The following SRGAP1 variants were observed in gnomAD, a reference collection of about 807,000 sequenced individuals.
SRGAP1 encodes the protein SLIT-ROBO Rho GTPase activating protein 1, also known as SLIT-ROBO Rho GTPase-activating protein 1.
SRGAP1 carries 43 observed loss-of-function variants against 121.9 expected under a neutral mutation model. The observed-to-expected ratio is 0.35, with a 90% CI of 0.28 to 0.46. The LOEUF is 0.46. Among genes scored for constraint, SRGAP1 ranks in the 20% least tolerant of loss-of-function variants. The pLI, the probability that SRGAP1 is intolerant of heterozygous loss-of-function variation, is 1.00. For synonymous variants in SRGAP1, 447 were observed against 485.4 expected (o/e 0.92, Z 1.04); for missense variants, 1,102 against 1,350.9 (o/e 0.82, Z 2.89).
Position 64,051,936 on chromosome 12 carries a change from T to C in SRGAP1, c.801+8361T>C, listed in dbSNP as rs1333696497. On this transcript the variant is annotated intron_variant, in intron 6 of 21. Transcript: ENST00000355086. ...CCTTGTTAGGATCAATGAATGAACA[T>C]TATGATGAGTTCCATCACTGAACAT... Among the ~76,000 whole-genome samples, 19 of 152,196 alleles carry C rather than the reference T, an allele frequency of 1.2e-4. 1 individual carries two copies. Among genetic ancestry groups the C allele is most frequent in the Admixed American group, 1.2e-3 (19 of 15,270 alleles).
chr12:63,844,985 T>A lies in SRGAP1; in HGVS notation c.67+102T>A. On this transcript the variant is annotated intron_variant, in intron 1 of 21. Coordinates refer to ENST00000355086, the MANE Select transcript of SRGAP1 (RefSeq NM_020762.4). This position sits in a 1 kb window ranked among gnomAD's most constrained non-coding sequence, Gnocchi z 4.3. ...TGGTGTCTGCGTGGGAGGAAGGTGGTGAGGGGACAGCTCGAGCCCTGTCTG... is the reference window on the plus strand; with the variant it reads ...TGGTGTCTGCGTGGGAGGAAGGTGGAGAGGGGACAGCTCGAGCCCTGTCTG... 8.3e-7 allele frequency: 1 copy of A among 1,201,554 alleles called. No homozygotes were observed. Among genetic ancestry groups the A allele is most frequent in the Non-Finnish European group, 1.2e-6 (1 of 809,244 alleles). The allele number at this position is 1,201,554 out of a possible 1,614,324, so 74.4% of individuals were successfully genotyped here.
rs2036132643 is a variant in SRGAP1, at chr12:64,095,223, C to G, written c.1678+19C>G. ...GAGAGAGGTAATTGCACGTCTATCC[C>G]TATAAGCAAACCACGTTGAAAAGTC... On this transcript the variant is annotated intron_variant, in intron 14 of 21. Transcript: ENST00000355086. The G allele has an allele frequency of 3.1e-6, 5 of 1,607,610 alleles. No individual in the cohort carries two copies. The East Asian group carries it at 8.9e-5, about 29-fold the overall frequency.
intron 4 of SRGAP1, among the ~76,000 whole-genome samples, chr12:64,031,695 A>G (rs1245818941): frequency 6.6e-6 from 1 of 152,182 alleles, no homozygotes; most frequent in Non-Finnish European, 1.5e-5. Context: ...ATATATTAAA[A>G]TTCTCTTGAA....
At chr12:64,069,973 G>A (rs1053808888) in intron 8 of SRGAP1, among the ~76,000 whole-genome samples, 2 of 152,194 alleles carry the variant, frequency 1.3e-5, no homozygotes, top group Non-Finnish European at 2.9e-5. Context: ...CTGGGCTCAA[G>A]CAATCTTCCC....
intron 1 of SRGAP1, among the ~76,000 whole-genome samples, chr12:63,898,192 G>C (rs1290345720): frequency 6.6e-6 from 1 of 152,192 alleles, no homozygotes; most frequent in South Asian, 2.1e-4. Flanking sequence ...TTGCAGGGGG[G>C]ACTCCCAACA....
chr12:64,161,555 A>AT lies in SRGAP1; in HGVS notation c.*18890dup, dbSNP rs1222212365. The AT allele has an allele frequency of 5.3e-5, 8 of 151,916 alleles. No homozygotes were observed. Among genetic ancestry groups the AT allele is most frequent in the Admixed American group, 4.6e-4 (7 of 15,234 alleles). 9.4% of individuals were successfully genotyped at this position (151,916 alleles called of 1,614,324 possible). On this transcript the variant is annotated 3_prime_UTR_variant, in exon 22 of 22. Transcript: ENST00000355086. ...TGTCCTTATTTGACAGGTCCTATAT[A>AT]TTTTTTTATTTTGAGATTATTAGTG...
rs764758737 is a variant in SRGAP1, at chr12:64,126,019, G to C, written c.2267G>C (p.Gly756Ala). ...GCAATAGCCAAGTTTGACTATGTTG[G>C]GCGGTCTGCCAGAGAACTATCCTTC... ...IEAIAKFDYV[G>A]RSARELSFKK... The change falls in exon 19 of 22, where the codon GGG becomes GCG. Residue 756 changes from glycine (G) to alanine (A), a missense_variant. Physicochemically the swap from Gly to Ala is moderately conservative, Grantham distance 60. Transcript: ENST00000355086. 1.3e-5 allele frequency: 21 copies of C among 1,614,156 alleles called. No homozygotes were observed. Among genetic ancestry groups the C allele is most frequent in the Non-Finnish European group, 1.8e-5 (21 of 1,180,014 alleles).
At chr12:64,093,776 G>A (rs2036099839) in intron 12 of SRGAP1, among the ~76,000 whole-genome samples, 1 of 152,136 alleles carries the variant, frequency 6.6e-6, no homozygotes, top group South Asian at 2.1e-4. Flanking sequence ...GTCTCCAGAA[G>A]TAATTGAGCC....
intron 3 of SRGAP1, among the ~76,000 whole-genome samples, chr12:63,999,047 T>A (rs1477461813): frequency 6.6e-6 from 1 of 152,106 alleles, no homozygotes; most frequent in Admixed American, 6.5e-5. Context: ...CCTTACTTCT[T>A]ATGACTTGGA....
intron 1 of SRGAP1, among the ~76,000 whole-genome samples, chr12:63,852,293 G>A (rs888382158): frequency 1.4e-4 from 22 of 152,332 alleles, no homozygotes; most frequent in African/African-American, 4.8e-4. Context: ...ACCTCGCCCA[G>A]CATGTTGTTC....
intron 8 of SRGAP1, among the ~76,000 whole-genome samples, chr12:64,069,009 CAA>C (rs59679383): frequency 2.1e-5 from 3 of 141,186 alleles, no homozygotes; most frequent in Non-Finnish European, 3.1e-5. Context: ...GACTCTGTCT[CAA>C]AAAAAAAAAA....
chr12:63,996,022 T>C (rs2136426465), intron 3 of SRGAP1, among the ~76,000 whole-genome samples: 1 of 151,912 alleles, frequency 6.6e-6, no homozygotes, highest in Non-Finnish European at 1.5e-5. Context: ...GACCTTGTTT[T>C]TTTTTTTAAA....
At chr12:63,949,540 G>C (rs910273202) in intron 1 of SRGAP1, among the ~76,000 whole-genome samples, 3 of 151,288 alleles carry the variant, frequency 2.0e-5, no homozygotes. Context: ...CCATTCTCCT[G>C]CCTCAGCCTC....
chr12:64,137,298 A>T (rs2036871382), intron 21 of SRGAP1, among the ~76,000 whole-genome samples: 1 of 152,120 alleles, frequency 6.6e-6, no homozygotes, highest in Non-Finnish European at 1.5e-5. Flanking sequence ...TTATAAAAAC[A>T]AAAACTCAAC....
intron 10 of SRGAP1, chr12:64,081,829 A>G (rs2035848578): frequency 2.0e-5 from 3 of 151,614 alleles, no homozygotes; most frequent in Admixed American, 2.0e-4. Context: ...TGTGGCAAAC[A>G]TTAACAGCCG....
chr12:64,044,715 T>C (rs1248242943), intron 6 of SRGAP1, among the ~76,000 whole-genome samples: 1 of 129,666 alleles, frequency 7.7e-6, no homozygotes, highest in East Asian at 2.2e-4. Flanking sequence ...AGAGTCTCAC[T>C]CTGTCACCCA....
Position 64,113,674 on chromosome 12 carries a change from A to C in SRGAP1, c.2144+1688A>C, listed in dbSNP as rs183494919. 2.7e-3 allele frequency among the ~76,000 whole-genome samples: 411 copies of C among 152,308 alleles called. 4 individuals carry two copies. The highest frequency in any genetic ancestry group is 0.014 in the Middle Eastern group (4 of 294). ...AAAAAATAGCAAAGAAAGAAACTTC[A>C]ATTTCTTGAACCCCTATTATATCTC... On this transcript the variant is annotated intron_variant, in intron 17 of 21. Coordinates refer to ENST00000355086, the MANE Select transcript of SRGAP1 (RefSeq NM_020762.4).
chr12:64,038,771 A>AT (rs1218455108), intron 4 of SRGAP1: 2 of 152,210 alleles, frequency 1.3e-5, no homozygotes, highest in African/African-American at 4.8e-5. Flanking sequence ...AGCAAGAAAG[A>AT]TAAATTAGGT....
chr12:63,983,952 C>A lies in SRGAP1; in HGVS notation c.73C>A (p.Arg25=). The A allele has an allele frequency of 6.7e-7, 1 of 1,486,070 alleles. No individual in the cohort carries two copies. Among genetic ancestry groups the A allele is most frequent in the Non-Finnish European group, 9.0e-7 (1 of 1,105,840 alleles). 92.1% of individuals were successfully genotyped at this position (1,486,070 alleles called of 1,614,324 possible). A position where few individuals can be genotyped will look rare whatever the true frequency, so the allele number is the denominator to read the frequency against. The part of the protein sequence containing the change: ...AEYESQVKEI[R]AQLVEQQKCL... ...GGCTTCTCTTCTCTCCTTAGAAATT[C>A]GAGCTCAACTGGTAGAACAACAAAA... Residue 25 remains arginine, a synonymous_variant, in exon 2 of 22, where the codon CGA becomes AGA. Coordinates refer to ENST00000355086, the MANE Select transcript of SRGAP1 (RefSeq NM_020762.4).
Sources: gnomAD v4.1 joint callset for allele counts (sites outside exome capture counted in the v4.1 genomes callset) on GRCh38, gnomAD v4.1.1 for gene constraint, Gnocchi (gnomAD v3.1) non-coding constraint, MANE v1.5 for transcripts, NCBI Gene and HGNC (gene_info 2026-07-23, HGNC 2026-07-21) for gene names.